The following PCDH15 variants were observed in gnomAD, a reference collection of about 807,000 sequenced individuals.
PCDH15 encodes protocadherin related 15.
A neutral mutation model predicts 178.5 loss-of-function variants in PCDH15; 129 were observed. The ratio of observed to expected loss-of-function variants is 0.72; its 90% CI spans 0.63 to 0.84. PCDH15 has a LOEUF of 0.84. PCDH15 is among the 40% of genes least tolerant of loss of function. The probability of loss-of-function intolerance (pLI) is 0.00; values close to 1 mark genes in which losing one functional copy is unlikely to be tolerated. For missense variants in PCDH15, 2,230 were observed against 2,099.9 expected, an observed-to-expected ratio of 1.06 and a Z score of -1.21; for synonymous variants, 800 against 732.0, an observed-to-expected ratio of 1.09 and a Z score of -1.50.
chr10:55,328,911 A>AACAT (rs1403016159), intron 2 of PCDH15, among the ~76,000 whole-genome samples: 1 of 53,176 alleles, frequency 1.9e-5, no homozygotes, highest in Non-Finnish European at 3.5e-5. Flanking sequence ...TTTTCACACA[A>AACAT]ACATATATAT....
chr10:55,535,393 C>T (rs1841552921), intron 2 of PCDH15, among the ~76,000 whole-genome samples: 1 of 151,912 alleles, frequency 6.6e-6, no homozygotes, highest in African/African-American at 2.4e-5. Context: ...ACTAGGGCAA[C>T]AAAATCATAA....
At chr10:54,309,591 C>T (rs563105214) in intron 8 of PCDH15, among the ~76,000 whole-genome samples, 1 of 151,878 alleles carries the variant, frequency 6.6e-6, no homozygotes, top group African/African-American at 2.4e-5. Context: ...GTCAGGAGTT[C>T]GAGATCAGCC....
chr10:53,991,671 G>A (rs1335152087), intron 21 of PCDH15, among the ~76,000 whole-genome samples: 1 of 151,984 alleles, frequency 6.6e-6, no homozygotes, highest in Non-Finnish European at 1.5e-5. Context: ...TCTGTGTCTA[G>A]CTCAAGGTTT....
At chr10:53,810,480 A>G (rs1588879524) in intron 37 of PCDH15, 76 bp downstream of exon 37, 6 of 1,318,880 alleles carry the variant, frequency 4.5e-6, no homozygotes, top group Non-Finnish European at 6.5e-6. Context: ...GAAATGTTCT[A>G]CAGCCGCTAG....
At chr10:54,132,708 C>T (rs1400671055) in intron 15 of PCDH15, among the ~76,000 whole-genome samples, 167 bp downstream of exon 15, 1 of 152,150 alleles carries the variant, frequency 6.6e-6, no homozygotes, top group African/African-American at 2.4e-5. Context: ...GGAAACCCTC[C>T]ATCCATATTA....
rs34741501 is a variant in PCDH15 at position 55,147,463 on chromosome 10, ATT to A, written c.-80+19111_-80+19112del. Reference sequence around the variant, plus strand: ...CACCTAATTTCAATTTTTAAAAAAAATTTTTTTGGAATGAAAATATTTTGCAC... The same window carrying A: ...CACCTAATTTCAATTTTTAAAAAAAATTTTTGGAATGAAAATATTTTGCAC... On this transcript the variant is annotated intron_variant, in intron 2 of 5. Transcript: ENST00000458638. Among the ~76,000 whole-genome samples the A allele has an allele frequency of 3.5e-3, 490 of 140,632 alleles. 5 individuals are homozygous for A. Among genetic ancestry groups the A allele is most frequent in the African/African-American group, 0.011 (440 of 38,894 alleles). The allele number at this position is 140,632 out of a possible 152,430, so 92.3% of individuals were successfully genotyped here. A position where few individuals can be genotyped will look rare whatever the true frequency, so the allele number is the denominator to read the frequency against.
chr10:53,898,214 G>A (rs1304227672), intron 26 of PCDH15, among the ~76,000 whole-genome samples: 8 of 151,838 alleles, frequency 5.3e-5, no homozygotes, highest in Non-Finnish European at 1.2e-4. Context: ...TGATCCGCCC[G>A]CCTCGGCCTC....
chr10:54,855,228 T>G (rs549800906), intron 3 of PCDH15, among the ~76,000 whole-genome samples: 7 of 152,290 alleles, frequency 4.6e-5, no homozygotes, highest in Middle Eastern at 3.4e-3. Context: ...GGTGCAGGGA[T>G]GCCTGGTTCT....
At chr10:55,221,943 T>C (rs1202890519) in intron 1 of PCDH15, among the ~76,000 whole-genome samples, 1 of 151,516 alleles carries the variant, frequency 6.6e-6, no homozygotes, top group African/African-American at 2.4e-5. Flanking sequence ...CTCAGCTCAC[T>C]GCAACCTCCG....
intron 3 of PCDH15, among the ~76,000 whole-genome samples, chr10:54,495,108 A>G (rs901926385): frequency 3.3e-5 from 5 of 152,198 alleles, no homozygotes; most frequent in Admixed American, 6.6e-5. Context: ...GTCCTTGCAC[A>G]GAGTGTGAGA....
intron 9 of PCDH15, among the ~76,000 whole-genome samples, chr10:54,230,596 T>C (rs2053956215): frequency 6.6e-6 from 1 of 152,112 alleles, no homozygotes; most frequent in South Asian, 2.1e-4. Context: ...TACTGTATAC[T>C]TGGCCATGAA....
chr10:55,316,987 C>T (rs1218764002), intron 1 of PCDH15, among the ~76,000 whole-genome samples: 3 of 152,096 alleles, frequency 2.0e-5, no homozygotes, highest in Non-Finnish European at 4.4e-5. Context: ...AGCATCTTTA[C>T]CCATATAAAT....
chr10:54,681,729 G>A (rs776896716), intron 1 of PCDH15, among the ~76,000 whole-genome samples: 25 of 152,142 alleles, frequency 1.6e-4, no homozygotes, highest in Non-Finnish European at 2.2e-4. Context: ...AACCAAATGC[G>A]GAGATAGGAA....
intron 3 of PCDH15, among the ~76,000 whole-genome samples, chr10:54,512,581 C>A (rs769723377): frequency 6.6e-6 from 1 of 151,982 alleles, no homozygotes. Flanking sequence ...TGTCAAATGG[C>A]AAATGGGTTT....
At chr10:55,414,470 T>C (rs1055631471) in intron 2 of PCDH15, among the ~76,000 whole-genome samples, 1 of 151,654 alleles carries the variant, frequency 6.6e-6, no homozygotes, top group Non-Finnish European at 1.5e-5. Context: ...GGATATCACA[T>C]TGGGTAAGCA....
chr10:54,195,984 T>C, intron 10 of PCDH15, 95 bp from the exon 11 acceptor site: 1 of 1,084,174 alleles, frequency 9.2e-7, no homozygotes, highest in Admixed American at 2.0e-5. Flanking sequence ...GTTCTCTTTT[T>C]AACTAATATC....
intron 11 of PCDH15, among the ~76,000 whole-genome samples, chr10:54,186,665 C>T (rs1044888598): frequency 4.6e-5 from 7 of 151,804 alleles, no homozygotes; most frequent in African/African-American, 7.2e-5. Context: ...TTCCAACTGG[C>T]GTATTTATTA....
intron 29 of PCDH15, among the ~76,000 whole-genome samples, chr10:53,833,002 T>C (rs2077101153): frequency 6.6e-6 from 1 of 152,028 alleles, no homozygotes; most frequent in Non-Finnish European, 1.5e-5. Flanking sequence ...TCCAAGCTCA[T>C]TGTTACACGT....
chr10:55,550,784 T>C (rs544667373), intron 2 of PCDH15, among the ~76,000 whole-genome samples: 31 of 152,228 alleles, frequency 2.0e-4, no homozygotes, highest in African/African-American at 7.5e-4. Context: ...CATAACTCCT[T>C]GGAAATATTT....
Sources: gnomAD v4.1 joint callset for allele counts (sites outside exome capture counted in the v4.1 genomes callset) on GRCh38, gnomAD v4.1.1 for gene constraint, MANE v1.5 for transcripts, NCBI Gene and HGNC (gene_info 2026-07-23, HGNC 2026-07-21) for gene names.